The following PIK3R3 variants were observed in gnomAD, a reference collection of about 807,000 sequenced individuals.
PIK3R3 encodes the protein phosphatidylinositol 3-kinase regulatory subunit gamma.
A neutral mutation model predicts 62.9 loss-of-function variants in PIK3R3; 64 were observed. The ratio of observed to expected loss-of-function variants is 1.02; its 90% CI spans 0.83 to 1.25. PIK3R3 has a LOEUF of 1.25. Among genes scored for constraint, PIK3R3 ranks in the 50% most tolerant of loss-of-function variants. The probability of loss-of-function intolerance (pLI) is 0.00; values close to 1 mark genes in which losing one functional copy is unlikely to be tolerated. For missense variants in PIK3R3, 614 were observed against 561.6 expected (o/e 1.09, Z -0.94); for synonymous variants, 165 against 189.0 (o/e 0.87, Z 1.04).
intron 2 of PIK3R3, 122 bp from the exon 3 acceptor site, chr1:46,077,735 A>G (rs1650201769): frequency 3.2e-6 from 2 of 629,208 alleles, no homozygotes; most frequent in East Asian, 5.3e-5. Context: ...CTGAGGTTAT[A>G]GAATAACGGA....
At chr1:46,159,531 T>A in the PIK3R3 span, among the ~76,000 whole-genome samples, 1 of 152,216 alleles carries the variant, frequency 6.6e-6, no homozygotes, top group Non-Finnish European at 1.5e-5. Flanking sequence ...AAGGACCAGA[T>A]AAGACTGGCT....
At chr1:46,128,302 G>C (rs2149476935) in intron 1 of PIK3R3, among the ~76,000 whole-genome samples, 1 of 152,228 alleles carries the variant, frequency 6.6e-6, no homozygotes, top group Non-Finnish European at 1.5e-5. Flanking sequence ...AGGCATGGTA[G>C]CATGCGCCTG....
At chr1:46,118,158 T>C (rs991024226) in intron 1 of PIK3R3, among the ~76,000 whole-genome samples, 3 of 152,212 alleles carry the variant, frequency 2.0e-5, no homozygotes, top group Admixed American at 1.3e-4. Flanking sequence ...TTAGACTTAT[T>C]AATTATTAAA....
the PIK3R3 span, among the ~76,000 whole-genome samples, chr1:46,149,047 A>G: frequency 6.6e-6 from 1 of 152,134 alleles, no homozygotes; most frequent in Non-Finnish European, 1.5e-5. Context: ...GCCAAAACCC[A>G]TCAAAACCAA....
the PIK3R3 span, among the ~76,000 whole-genome samples, chr1:46,149,719 C>T: frequency 6.6e-6 from 1 of 151,934 alleles, no homozygotes; most frequent in Non-Finnish European, 1.5e-5. Flanking sequence ...TTAGCAGAGG[C>T]GGGATTTCGC....
intron 3 of PIK3R3, among the ~76,000 whole-genome samples, chr1:46,071,795 T>G (rs1439416470): frequency 8.0e-6 from 1 of 124,430 alleles, no homozygotes; most frequent in African/African-American, 3.1e-5. Flanking sequence ...GCCGAAAAAA[T>G]GCAGTGGTTC....
intron 1 of PIK3R3, among the ~76,000 whole-genome samples, chr1:46,113,032 T>C (rs1653873127): frequency 6.6e-6 from 1 of 152,196 alleles, no homozygotes; most frequent in Admixed American, 6.5e-5. Context: ...TTCTCACTGC[T>C]ACAATCTTAG....
At chr1:46,170,630 A>G in the PIK3R3 span, among the ~76,000 whole-genome samples, 8 of 152,228 alleles carry the variant, frequency 5.3e-5, no homozygotes, top group African/African-American at 1.9e-4. Flanking sequence ...CATATTGGCC[A>G]GGCTGGTCTC....
At chr1:46,169,512 A>G in the PIK3R3 span, among the ~76,000 whole-genome samples, 1 of 152,218 alleles carries the variant, frequency 6.6e-6, no homozygotes, top group Non-Finnish European at 1.5e-5. Flanking sequence ...GCAGGAATAT[A>G]CAATCCTAAA....
chr1:46,170,258 C>CA, the PIK3R3 span, among the ~76,000 whole-genome samples: 2 of 152,154 alleles, frequency 1.3e-5, no homozygotes, highest in African/African-American at 4.8e-5. Flanking sequence ...CTGGGGTCAG[C>CA]ATATTATGCT....
intron 1 of PIK3R3, among the ~76,000 whole-genome samples, chr1:46,111,452 T>C (rs785490): frequency 0.72 from 108,830 of 151,924 alleles, 39,118 homozygotes; most frequent in African/African-American, 0.75. Flanking sequence ...TTAGGCTCCA[T>C]GCAGTGCTCA....
chr1:46,086,021 T>C (rs1651019392), intron 1 of PIK3R3, among the ~76,000 whole-genome samples: 1 of 152,200 alleles, frequency 6.6e-6, no homozygotes, highest in African/African-American at 2.4e-5. Flanking sequence ...ATTATATGCA[T>C]GGGCCACTCA....
At chr1:46,131,249 T>C (rs1655555829) in intron 1 of PIK3R3, among the ~76,000 whole-genome samples, 1 of 152,130 alleles carries the variant, frequency 6.6e-6, no homozygotes, top group Non-Finnish European at 1.5e-5. Flanking sequence ...AAGGAAAACC[T>C]CAGACTAAGA....
At chr1:46,158,363 G>C in the PIK3R3 span, among the ~76,000 whole-genome samples, 1 of 152,178 alleles carries the variant, frequency 6.6e-6, no homozygotes, top group African/African-American at 2.4e-5. Flanking sequence ...CACCCCACTT[G>C]TGACTTGCGC....
At chr1:46,046,806 ATGAAC>A in intron 7 of PIK3R3, 181 bp from the exon 8 acceptor site, 1 of 570,232 alleles carries the variant, frequency 1.8e-6, no homozygotes, top group Non-Finnish European at 3.1e-6. Context: ...TACTATCAAG[ATGAAC>A]TGATCTTTTC....
At chr1:46,141,160 G>A in the PIK3R3 span, among the ~76,000 whole-genome samples, 305 of 148,152 alleles carry the variant, frequency 2.1e-3, no homozygotes, top group African/African-American at 7.2e-3. Context: ...GCACCTGGCC[G>A]ATTTCTGTTG....
chr1:46,111,552 C>T (rs1653743891), intron 1 of PIK3R3, among the ~76,000 whole-genome samples: 2 of 152,042 alleles, frequency 1.3e-5, no homozygotes, highest in Admixed American at 6.6e-5. Flanking sequence ...ATGATAAAAC[C>T]CCATCTCTAC....
chr1:46,149,690 C>G, the PIK3R3 span, among the ~76,000 whole-genome samples: 1 of 151,968 alleles, frequency 6.6e-6, no homozygotes, highest in African/African-American at 2.4e-5. Flanking sequence ...ACCACCACAC[C>G]CAGCTATTTT....
chr1:46,078,837 T>C (rs561136101), intron 2 of PIK3R3, among the ~76,000 whole-genome samples: 1 of 152,306 alleles, frequency 6.6e-6, no homozygotes, highest in East Asian at 1.9e-4. Flanking sequence ...TGAATGAACC[T>C]TGAAGACGTA....
Sources: gnomAD v4.1 joint callset for allele counts (sites outside exome capture counted in the v4.1 genomes callset) on GRCh38, gnomAD v4.1.1 for gene constraint, MANE v1.5 for transcripts, NCBI Gene and HGNC (gene_info 2026-07-23, HGNC 2026-07-21) for gene names.